RILP: variants seen among roughly 807,000 people sequenced by gnomAD.
RILP encodes the protein rab-interacting lysosomal protein.
Under a neutral mutation model 40.0 loss-of-function variants are expected in RILP, and 53 were observed. That is an observed-to-expected ratio of 1.32 (90% confidence interval 1.06 to 1.66). The LOEUF (loss-of-function observed/expected upper bound fraction) is 1.66. RILP is among the 40% of genes most tolerant of loss of function. RILP has a pLI of 0.00. For missense variants in RILP, 626 were observed against 551.7 expected (o/e 1.13, Z -1.35); for synonymous variants, 272 against 250.6 (o/e 1.09, Z -0.80).
At position 1,649,397 on chromosome 17, in the gene RILP, C is replaced by T. The variant is rs777017228; in HGVS notation, c.322+15G>A. 22 of 1,501,758 alleles carry T rather than the reference C, an allele frequency of 1.5e-5. No individual in the cohort carries two copies. The South Asian group carries it at 2.4e-4, about 16-fold the overall frequency. 93.0% of individuals were successfully genotyped at this position (1,501,758 alleles called of 1,614,324 possible). A position where few individuals can be genotyped will look rare whatever the true frequency, so the allele number is the denominator to read the frequency against. On this transcript the variant is annotated intron_variant, in intron 2 of 7. Coordinates refer to ENST00000301336, the MANE Select transcript of RILP (RefSeq NM_031430.3). The surrounding 1 kb of genome is among the most constrained non-coding windows in gnomAD (Gnocchi z 4.3). Reference sequence around the variant, plus strand: ...AGGTCGTCACCCGCCCTGCCCTGGCCGGGGCTGCGCTTACCCTGTGGCCCC... The same window carrying T: ...AGGTCGTCACCCGCCCTGCCCTGGCTGGGGCTGCGCTTACCCTGTGGCCCC...
chr17:1,648,445 G>A lies in RILP; in HGVS notation c.726C>T (p.Arg242=). 2 of 1,614,074 alleles carry A rather than the reference G, an allele frequency of 1.2e-6. No individual in the cohort carries two copies. Among genetic ancestry groups the A allele is most frequent in the Non-Finnish European group, 8.5e-7 (1 of 1,180,014 alleles). ...LGRPSEAGQC[R]FSREEFEQIL... ...TCTGCTCAAACTCCTCCCGACTGAA[G>A]CGGCACTGCCCTGCCTCCGAGGGGC... The change falls in exon 5 of 8, where the codon CGC becomes CGT. Residue 242 remains arginine (R), a synonymous_variant. Transcript: ENST00000301336. The surrounding 1 kb of genome is among the most constrained non-coding windows in gnomAD (Gnocchi z 4.9).
chr17:1,649,042 C>T lies in RILP; in HGVS notation c.432G>A (p.Leu144=). ...LRQRGQETEA[L]QEQLQRLLLV... is the part of the protein sequence containing the mutation. The stretch of plus-strand genomic sequence containing the variant: ...GCAGGAGGCGCTGCAGCTGCTCCTG[C>T]AACTGGGAGCGGAGCAAAGGGTGGG... Residue 144 remains leucine, a splice_region_variant and synonymous_variant, in exon 4 of 8, where the codon TTG becomes TTA. Coordinates refer to ENST00000301336, the MANE Select transcript of RILP (RefSeq NM_031430.3). The surrounding 1 kb of genome is among the most constrained non-coding windows in gnomAD (Gnocchi z 4.3). 9.8e-7 allele frequency: 1 copy of T among 1,024,198 alleles called. No homozygotes were observed. Among genetic ancestry groups the T allele is most frequent in the Non-Finnish European group, 1.2e-6 (1 of 816,326 alleles). The allele number at this position is 1,024,198 out of a possible 1,614,324, so 63.4% of individuals were successfully genotyped here.
rs1910554285 is a variant in RILP at position 1,646,210 on chromosome 17, G to A, written c.*232C>T. The A allele has an allele frequency of 8.3e-6, 4 of 480,516 alleles. No homozygotes were observed. The highest frequency in any genetic ancestry group is 1.1e-5 in the Non-Finnish European group (3 of 273,886). 29.8% of individuals were successfully genotyped at this position (480,516 alleles called of 1,614,324 possible). ...GCTCAGGCCGTCTGCACAAAGCCCTGGGAGCTAGGCAGTCAGCTCTCATTT... is the reference window on the plus strand; with the variant it reads ...GCTCAGGCCGTCTGCACAAAGCCCTAGGAGCTAGGCAGTCAGCTCTCATTT... On this transcript the variant is annotated 3_prime_UTR_variant, in exon 8 of 8. Transcript: ENST00000301336. The surrounding 1 kb of genome is among the most constrained non-coding windows in gnomAD (Gnocchi z 4.3).
chr17:1,648,707 C>T lies in RILP; in HGVS notation c.675+92G>A. On this transcript the variant is annotated intron_variant, in intron 4 of 7. Coordinates refer to ENST00000301336, the MANE Select transcript of RILP (RefSeq NM_031430.3). The surrounding 1 kb of genome is among the most constrained non-coding windows in gnomAD (Gnocchi z 4.9). Reference sequence around the variant, plus strand: ...TGCCACCTCCCCGCTTCCTGGCCGACCTGCTGTGCAGCATGCAAACCTTGC... The same window carrying T: ...TGCCACCTCCCCGCTTCCTGGCCGATCTGCTGTGCAGCATGCAAACCTTGC... 7.0e-7 allele frequency: 1 copy of T among 1,433,460 alleles called. No homozygotes were observed. Among genetic ancestry groups the T allele is most frequent in the Non-Finnish European group, 9.1e-7 (1 of 1,096,126 alleles). The allele number at this position is 1,433,460 out of a possible 1,614,324, so 88.8% of individuals were successfully genotyped here.
chr17:1,649,606 G>T lies in RILP; in HGVS notation c.199C>A (p.Gln67Lys). The T allele has an allele frequency of 6.3e-7, 1 of 1,576,940 alleles. No individual in the cohort carries two copies. ...LVVRALELLE[Q>K]AAVGPAPDSL... is the part of the protein sequence containing the mutation. ...TCCGGGGCGGGCCCCACGGCAGCCTGTTCCAAGAGCTCCAGCGCCCGCACC... is the reference window on the plus strand; with the variant it reads ...TCCGGGGCGGGCCCCACGGCAGCCTTTTCCAAGAGCTCCAGCGCCCGCACC... Residue 67 changes from glutamine (Q) to lysine (K), a missense_variant, in exon 1 of 8, where the codon CAG (glutamine) becomes AAG (lysine). Coordinates refer to ENST00000301336, the MANE Select transcript of RILP (RefSeq NM_031430.3). The surrounding 1 kb of genome is among the most constrained non-coding windows in gnomAD (Gnocchi z 4.3).
rs1347420927 is a variant in RILP, at chr17:1,649,700, C to T, written c.105G>A (p.Leu35=). 5 of 1,592,104 alleles carry T rather than the reference C, an allele frequency of 3.1e-6. No individual in the cohort carries two copies. The African/African-American group carries it at 4.0e-5, about 13-fold the overall frequency. The change falls in exon 1 of 8, where the codon CTG becomes CTA. Residue 35 remains leucine (L), a synonymous_variant. Coordinates refer to ENST00000301336, the MANE Select transcript of RILP (RefSeq NM_031430.3). The surrounding 1 kb of genome is among the most constrained non-coding windows in gnomAD (Gnocchi z 4.3). ...AELVYHLAGA[L]GTELQDLARR... ...GCGCCAGATCCTGCAGCTCAGTGCC[C>T]AGGGCCCCGGCTAGATGGTACACAA... is the stretch of plus-strand genomic sequence containing the variant.
At chr17:1,647,201 G>A (rs1163722717) in intron 6 of RILP, among the ~76,000 whole-genome samples, 2 of 151,912 alleles carry the variant, frequency 1.3e-5, no homozygotes, top group Admixed American at 6.6e-5. Flanking sequence ...GTGCAGTGGT[G>A]CGATCTCAGC....
Position 1,648,564 on chromosome 17 carries a change from G to A in RILP, c.676-69C>T. 1 of 1,576,738 alleles carries A rather than the reference G, an allele frequency of 6.3e-7. No individual in the cohort carries two copies. Among genetic ancestry groups the A allele is most frequent in the Non-Finnish European group, 8.6e-7 (1 of 1,165,652 alleles). ...TTCCCCCGCCCCAGGGCCATCATGG[G>A]AATGCTAGAGGAAGTGACGGGCCGG... On this transcript the variant is annotated intron_variant, in intron 4 of 7. Transcript: ENST00000301336. This position sits in a 1 kb window ranked among gnomAD's most constrained non-coding sequence, Gnocchi z 4.9.
Position 1,649,535 on chromosome 17 carries a change from C to A in RILP, c.229-30G>T, listed in dbSNP as rs768781173. 6.6e-7 allele frequency: 1 copy of A among 1,505,816 alleles called. No individual in the cohort carries two copies. The highest frequency in any genetic ancestry group is 8.8e-7 in the Non-Finnish European group (1 of 1,134,310). The allele number at this position is 1,505,816 out of a possible 1,614,324, so 93.3% of individuals were successfully genotyped here. ...GGAGACCCGGGTCTCAGGCTTCGGC[C>A]CTGCCGGCCCCGTGGGTGGCGAAGG... On this transcript the variant is annotated intron_variant, in intron 1 of 7. Coordinates refer to ENST00000301336, the MANE Select transcript of RILP (RefSeq NM_031430.3). This position sits in a 1 kb window ranked among gnomAD's most constrained non-coding sequence, Gnocchi z 4.3.
In RILP at chr17:1,648,871, G is replaced by A. The variant is rs750732726; in HGVS notation, c.603C>T (p.Pro201=). ...KERARGQAGR[P]GHQHGQEPEW... ...CGGGCTCCTGTCCGTGCTGGTGCCC[G>A]GGCCGCCCGGCCTGCCCCCGCGCTC... Residue 201 remains proline, a synonymous_variant, in exon 4 of 8, where the codon CCC becomes CCT. Transcript: ENST00000301336. The surrounding 1 kb of genome is among the most constrained non-coding windows in gnomAD (Gnocchi z 4.9). 1.3e-6 allele frequency: 2 copies of A among 1,534,826 alleles called. No individual in the cohort carries two copies. The highest frequency in any genetic ancestry group is 1.7e-6 in the Non-Finnish European group (2 of 1,148,582).
chr17:1,649,795 T>G lies in RILP; in HGVS notation c.10A>C (p.Arg4=). ...CCAGGCACCCCGGGCGCCGCCCTCC[T>G]GGGCTCCATGTCTCCCAGAGGCTTA... MEP[R]RAAPGVPGWG... The change falls in exon 1 of 8, where the codon AGG becomes CGG. Residue 4 remains arginine, a synonymous_variant. Coordinates refer to ENST00000301336, the MANE Select transcript of RILP (RefSeq NM_031430.3). The surrounding 1 kb of genome is among the most constrained non-coding windows in gnomAD (Gnocchi z 4.3). The G allele has an allele frequency of 1.3e-6, 2 of 1,546,472 alleles. No individual in the cohort carries two copies. The highest frequency in any genetic ancestry group is 1.7e-6 in the Non-Finnish European group (2 of 1,152,880).
rs1910738689 is a variant in RILP at position 1,648,428 on chromosome 17, A to T, written c.743T>A (p.Phe248Tyr). The T allele has an allele frequency of 6.2e-7, 1 of 1,613,968 alleles. No individual in the cohort carries two copies. Among genetic ancestry groups the T allele is most frequent in the Non-Finnish European group, 8.5e-7 (1 of 1,180,004 alleles). The change falls in exon 5 of 8, where the codon TTT (phenylalanine) becomes TAT (tyrosine). Residue 248 changes from phenylalanine (F) to tyrosine (Y), a missense_variant. Coordinates refer to ENST00000301336, the MANE Select transcript of RILP (RefSeq NM_031430.3). This position sits in a 1 kb window ranked among gnomAD's most constrained non-coding sequence, Gnocchi z 4.9. Reference protein sequence around the residue: ...AGQCRFSREEFEQILQERNEL... With the variant: ...AGQCRFSREEYEQILQERNEL... Reference sequence around the variant, plus strand: ...ATTCCGCTCCTGAAGGATCTGCTCAAACTCCTCCCGACTGAAGCGGCACTG... The same window carrying T: ...ATTCCGCTCCTGAAGGATCTGCTCATACTCCTCCCGACTGAAGCGGCACTG...
At position 1,647,857 on chromosome 17, in the gene RILP, T is replaced by A. The variant is rs1395390732; in HGVS notation, c.922A>T (p.Thr308Ser). The change falls in exon 6 of 8, where the codon ACA (threonine) becomes TCA (serine). Residue 308 changes from threonine (T) to serine (S), a missense_variant. Thr to Ser is a moderately conservative substitution (Grantham distance 58). Coordinates refer to ENST00000301336, the MANE Select transcript of RILP (RefSeq NM_031430.3). The stretch of plus-strand genomic sequence containing the variant: ...TACCTGCTCTCTGCTTCCTCTGGTG[T>A]CCCTAACATCTTGGCCTTGATCTTC... ...RKKIKAKMLG[T>S]PEEAESSEDE... The A allele has an allele frequency of 6.2e-7, 1 of 1,614,086 alleles. No individual in the cohort carries two copies. The highest frequency in any genetic ancestry group is 1.1e-5 in the South Asian group (1 of 91,082).
chr17:1,647,705 G>C, intron 6 of RILP, 130 bp downstream of exon 6: 2 of 1,207,776 alleles, frequency 1.7e-6, no homozygotes, highest in East Asian at 4.7e-5. Flanking sequence ...GGAGGCTCAA[G>C]GGGTGACCGG....
Position 1,649,444 on chromosome 17 carries a change from C to T in RILP, c.290G>A (p.Arg97His). The T allele has an allele frequency of 3.3e-6, 5 of 1,511,366 alleles. No individual in the cohort carries two copies. Among genetic ancestry groups the T allele is most frequent in the Non-Finnish European group, 4.4e-6 (5 of 1,137,530 alleles). 93.6% of individuals were successfully genotyped at this position (1,511,366 alleles called of 1,614,324 possible). Reference sequence around the variant, plus strand: ...CCCCGCGCGCAGCTCCCTGCGGAGGCGCTCGTTCTCCTCCCGCAGCCGCCG... The same window carrying T: ...CCCCGCGCGCAGCTCCCTGCGGAGGTGCTCGTTCTCCTCCCGCAGCCGCCG... ...ELRRLREENE[R>H]LRRELRAGPQ... The change falls in exon 2 of 8, where the codon CGC (arginine) becomes CAC (histidine). Residue 97 changes from arginine to histidine, a missense_variant. By Grantham distance (29) the Arg-to-His change is conservative. Transcript: ENST00000301336. This position sits in a 1 kb window ranked among gnomAD's most constrained non-coding sequence, Gnocchi z 4.3.
At position 1,647,877 on chromosome 17, in the gene RILP, ATCT is replaced by A. The variant is rs749965541; in HGVS notation, c.899_901del (p.Lys300del). ...TGGTGTCCCTAACATCTTGGCCTTG[ATCT>A]TCTTCCGCTGCTTCCGGACAGCCAC... On this transcript the variant is annotated inframe_deletion, in exon 6 of 8. Coordinates refer to ENST00000301336, the MANE Select transcript of RILP (RefSeq NM_031430.3). 4 of 1,613,970 alleles carry A rather than the reference ATCT, an allele frequency of 2.5e-6. No homozygotes were observed. The highest frequency in any genetic ancestry group is 2.5e-6 in the Non-Finnish European group (3 of 1,179,996).
In RILP at chr17:1,649,337, C is replaced by T; in HGVS notation, c.323-31G>A. The T allele has an allele frequency of 6.7e-7, 1 of 1,486,900 alleles. No homozygotes were observed. Among genetic ancestry groups the T allele is most frequent in the East Asian group, 2.8e-5 (1 of 35,336 alleles). 92.1% of individuals were successfully genotyped at this position (1,486,900 alleles called of 1,614,324 possible). ...GAAGGGGCGTTCTTAGCGGCGGCGG[C>T]GCGCGGCCCGCGGGAGGGAGGGGAG... On this transcript the variant is annotated intron_variant, in intron 2 of 7. Transcript: ENST00000301336. The surrounding 1 kb of genome is among the most constrained non-coding windows in gnomAD (Gnocchi z 4.3).
At chr17:1,647,452 T>C (rs1373753827) in intron 6 of RILP, among the ~76,000 whole-genome samples, 2 of 152,132 alleles carry the variant, frequency 1.3e-5, no homozygotes, top group African/African-American at 4.8e-5. Context: ...GGGTTTATTT[T>C]ATAGCTTGAC....
rs778249635 is a variant in RILP, at chr17:1,649,829, AC to A, written c.-26del. 28 of 1,464,026 alleles carry A rather than the reference AC, an allele frequency of 1.9e-5. No homozygotes were observed. The highest frequency in any genetic ancestry group is 2.2e-5 in the Admixed American group (1 of 45,210). The allele number at this position is 1,464,026 out of a possible 1,614,324, so 90.7% of individuals were successfully genotyped here. A position where few individuals can be genotyped will look rare whatever the true frequency, so the allele number is the denominator to read the frequency against. The stretch of plus-strand genomic sequence containing the variant: ...TGTCTCCCAGAGGCTTAGGGCTGCG[AC>A]CCCCCCACCCCACCCTCCACTGGGA... On this transcript the variant is annotated 5_prime_UTR_variant, in exon 1 of 8. Transcript: ENST00000301336. This position sits in a 1 kb window ranked among gnomAD's most constrained non-coding sequence, Gnocchi z 4.3.
Sources: gnomAD v4.1 joint callset for allele counts (sites outside exome capture counted in the v4.1 genomes callset) on GRCh38, gnomAD v4.1.1 for gene constraint, Gnocchi (gnomAD v3.1) non-coding constraint, MANE v1.5 for transcripts, NCBI Gene and HGNC (gene_info 2026-07-23, HGNC 2026-07-21) for gene names.